The following MAP3K7CL variants were observed in gnomAD, a reference collection of about 807,000 sequenced individuals.
MAP3K7CL encodes MAP3K7 C-terminal like.
In MAP3K7CL, 16 loss-of-function variants were observed where a neutral mutation model predicts 18.6. The observed-to-expected ratio is 0.86, with a 90% CI of 0.58 to 1.31. The LOEUF (loss-of-function observed/expected upper bound fraction) is 1.31, where lower values mean the gene tolerates loss of function less well. MAP3K7CL is among the 50% of genes most tolerant of loss of function. The probability of loss-of-function intolerance (pLI) is 0.00; values close to 1 mark genes in which losing one functional copy is unlikely to be tolerated. For synonymous variants in MAP3K7CL, 65 were observed against 66.8 expected (o/e 0.97, Z 0.13); for missense variants, 163 against 174.4 (o/e 0.93, Z 0.37).
At chr21:29,106,104 A>C (rs1445721721) in intron 4 of MAP3K7CL, among the ~76,000 whole-genome samples, 1 of 152,188 alleles carries the variant, frequency 6.6e-6, no homozygotes, top group South Asian at 2.1e-4. Flanking sequence ...TGGAATTTCC[A>C]CACAAATCAG....
chr21:29,130,779 T>C lies in MAP3K7CL; in HGVS notation c.-184T>C, dbSNP rs759572712. On this transcript the variant is annotated 5_prime_UTR_variant, in exon 1 of 5. Transcript: ENST00000399928. Reference sequence around the variant, plus strand: ...GGTAGCAGCGTGCTGCCCTGACAGCTGTCTCCGCTCCTCAGATTGTCAGTG... The same window carrying C: ...GGTAGCAGCGTGCTGCCCTGACAGCCGTCTCCGCTCCTCAGATTGTCAGTG... 37 of 985,428 alleles carry C rather than the reference T, an allele frequency of 3.8e-5. No individual in the cohort carries two copies. Among genetic ancestry groups the C allele is most frequent in the Non-Finnish European group, 4.5e-5 (37 of 830,026 alleles). The allele number at this position is 985,428 out of a possible 1,614,324, so 61.0% of individuals were successfully genotyped here.
At chr21:29,158,917 CTT>C (rs36003464) in intron 3 of MAP3K7CL, among the ~76,000 whole-genome samples, 17 of 100,442 alleles carry the variant, frequency 1.7e-4, no homozygotes, top group South Asian at 3.3e-4. Flanking sequence ...AAAAGTAGTA[CTT>C]TTTTTTTTTT....
At chr21:29,089,203 A>G (rs13050619) in intron 1 of MAP3K7CL, among the ~76,000 whole-genome samples, 3 of 125,218 alleles carry the variant, frequency 2.4e-5, no homozygotes, top group Non-Finnish European at 5.2e-5. Flanking sequence ...AAAAAAAAAG[A>G]CACTGGTCCT....
At chr21:29,085,992 GA>G (rs2085919324) in intron 1 of MAP3K7CL, 1 of 1,501,748 alleles carries the variant, frequency 6.7e-7, no homozygotes, top group Non-Finnish European at 9.3e-7. Context: ...AACAGGGTGG[GA>G]AAAATGTAGG....
At chr21:29,117,321 A>G (rs2086519804) in intron 4 of MAP3K7CL, among the ~76,000 whole-genome samples, 1 of 152,204 alleles carries the variant, frequency 6.6e-6, no homozygotes, top group South Asian at 2.1e-4. Context: ...TGATGGACTT[A>G]ACAATGCTAT....
chr21:29,173,142 G>A (rs574547605), intron 4 of MAP3K7CL, among the ~76,000 whole-genome samples: 7 of 152,158 alleles, frequency 4.6e-5, no homozygotes, highest in Non-Finnish European at 8.8e-5. Context: ...AACATCAGGA[G>A]CTTTTCAGGG....
intron 4 of MAP3K7CL, among the ~76,000 whole-genome samples, chr21:29,099,854 C>A (rs891517252): frequency 6.6e-6 from 1 of 151,874 alleles, no homozygotes; most frequent in South Asian, 2.1e-4. Flanking sequence ...GAGGCCGAGG[C>A]GGGCGGATCA....
At chr21:29,131,791 A>ATATG (rs1267115562) in intron 1 of MAP3K7CL, among the ~76,000 whole-genome samples, 2 of 151,856 alleles carry the variant, frequency 1.3e-5, no homozygotes, top group African/African-American at 4.8e-5. Context: ...AGATGATTCC[A>ATATG]TATGTATGTA....
At chr21:29,093,413 A>G (rs977165327) in intron 4 of MAP3K7CL, among the ~76,000 whole-genome samples, 4 of 152,194 alleles carry the variant, frequency 2.6e-5, no homozygotes, top group Admixed American at 1.3e-4. Flanking sequence ...TAACCCCTCC[A>G]TAGCTCATTT....
chr21:29,077,923 T>C (rs1437656450), intron 1 of MAP3K7CL, among the ~76,000 whole-genome samples: 1 of 152,156 alleles, frequency 6.6e-6, no homozygotes. Flanking sequence ...GCCGTGAGGA[T>C]TGGGGGTTGG....
At chr21:29,155,811 C>A (rs1482733338) in intron 3 of MAP3K7CL, among the ~76,000 whole-genome samples, 1 of 152,174 alleles carries the variant, frequency 6.6e-6, no homozygotes, top group Admixed American at 6.5e-5. Flanking sequence ...GCTGTGACCT[C>A]ACCCAAGCCC....
chr21:29,112,524 G>A (rs1173136415), intron 4 of MAP3K7CL, among the ~76,000 whole-genome samples: 1 of 151,768 alleles, frequency 6.6e-6, no homozygotes, highest in African/African-American at 2.4e-5. Context: ...TCATATATCT[G>A]ACTTTATATT....
At chr21:29,168,338 CTGACT>C (rs2087742673) in intron 4 of MAP3K7CL, among the ~76,000 whole-genome samples, 1 of 152,180 alleles carries the variant, frequency 6.6e-6, no homozygotes, top group African/African-American at 2.4e-5. Context: ...CTTCCCAAGA[CTGACT>C]TGGCTAGCAA....
chr21:29,077,277 C>G (rs974790258), upstream of MAP3K7CL, among the ~76,000 whole-genome samples: 3 of 152,230 alleles, frequency 2.0e-5, no homozygotes, highest in Non-Finnish European at 4.4e-5. Flanking sequence ...TCGGGCATGG[C>G]GGGCTGCAGG....
chr21:29,129,187 T>G (rs2086733576), upstream of MAP3K7CL, among the ~76,000 whole-genome samples: 1 of 152,252 alleles, frequency 6.6e-6, no homozygotes. Flanking sequence ...ACATTATTAT[T>G]CATTATTAGT....
At chr21:29,120,167 C>T (rs546432559) in intron 4 of MAP3K7CL, among the ~76,000 whole-genome samples, 2 of 149,996 alleles carry the variant, frequency 1.3e-5, no homozygotes, top group Non-Finnish European at 3.0e-5. Flanking sequence ...TCTTTTGTTT[C>T]CAGTTTGGGG....
intron 4 of MAP3K7CL, chr21:29,109,344 T>A: frequency 7.2e-7 from 1 of 1,398,488 alleles, no homozygotes; most frequent in Non-Finnish European, 9.3e-7. Context: ...TTAATTTGAT[T>A]TTCATTAGTA....
intron 4 of MAP3K7CL, among the ~76,000 whole-genome samples, chr21:29,163,034 C>T (rs2087591751): frequency 1.3e-5 from 2 of 152,154 alleles, no homozygotes; most frequent in African/African-American, 4.8e-5. Flanking sequence ...TTGCTTGAAC[C>T]CAGTAGGCGG....
chr21:29,149,488 C>T (rs2087220548), intron 3 of MAP3K7CL, among the ~76,000 whole-genome samples: 1 of 152,156 alleles, frequency 6.6e-6, no homozygotes, highest in Non-Finnish European at 1.5e-5. Context: ...TAAACTGGCT[C>T]CTATTTTTAA....
Sources: gnomAD v4.1 joint callset for allele counts (sites outside exome capture counted in the v4.1 genomes callset) on GRCh38, gnomAD v4.1.1 for gene constraint, MANE v1.5 for transcripts, NCBI Gene and HGNC (gene_info 2026-07-23, HGNC 2026-07-21) for gene names.